The following DDAH1 variants were observed in gnomAD, a reference collection of about 807,000 sequenced individuals.
DDAH1 encodes dimethylarginine dimethylaminohydrolase 1, also known as N(G),N(G)-dimethylarginine dimethylaminohydrolase 1.
Under a neutral mutation model 28.8 loss-of-function variants are expected in DDAH1, and 19 were observed. That is an observed-to-expected ratio of 0.66 (90% CI 0.46 to 0.97). The LOEUF (loss-of-function observed/expected upper bound fraction) is 0.97, where lower values mean the gene tolerates loss of function less well. DDAH1 is among the 50% of genes least tolerant of loss of function. DDAH1 has a pLI of 0.00. For missense variants in DDAH1, 326 were observed against 375.9 expected (o/e 0.87, Z 1.10); for synonymous variants, 153 against 154.4 (o/e 0.99, Z 0.07).
chr1:85,350,011 C>G (rs1184040253), intron 4 of DDAH1, among the ~76,000 whole-genome samples: 1 of 152,118 alleles, frequency 6.6e-6, no homozygotes, highest in Non-Finnish European at 1.5e-5. Flanking sequence ...ATGAAATAGT[C>G]CAGACGCAAC....
At chr1:85,329,263 G>A (rs138464349) in intron 4 of DDAH1, among the ~76,000 whole-genome samples, 19 of 152,268 alleles carry the variant, frequency 1.2e-4, no homozygotes, top group African/African-American at 3.9e-4. Flanking sequence ...AAAGTACCAC[G>A]TGTCACTGAA....
intron 1 of DDAH1, among the ~76,000 whole-genome samples, chr1:85,420,948 T>G (rs1014976845): frequency 2.0e-5 from 3 of 152,212 alleles, no homozygotes; most frequent in African/African-American, 7.2e-5. Flanking sequence ...CAGTAGCATC[T>G]GCTTCTAGGG....
chr1:85,477,690 T>C (rs1488376209), intron 2 of DDAH1, among the ~76,000 whole-genome samples: 1 of 151,858 alleles, frequency 6.6e-6, no homozygotes, highest in Non-Finnish European at 1.5e-5. Flanking sequence ...ATATATATAG[T>C]ATATTATGAT....
At chr1:85,533,551 G>A (rs1658163822) in intron 1 of DDAH1, among the ~76,000 whole-genome samples, 1 of 152,242 alleles carries the variant, frequency 6.6e-6, no homozygotes, top group Non-Finnish European at 1.5e-5. Context: ...AGGTAAAAGA[G>A]ATGAAAACAG....
intron 1 of DDAH1, among the ~76,000 whole-genome samples, chr1:85,451,100 A>G (rs1004989931): frequency 3.1e-4 from 47 of 152,194 alleles, no homozygotes; most frequent in African/African-American, 1.0e-3. Context: ...GATCAAGTGC[A>G]TATCTCTAAT....
intron 1 of DDAH1, among the ~76,000 whole-genome samples, chr1:85,459,543 A>G (rs1011481553): frequency 6.6e-6 from 1 of 152,196 alleles, no homozygotes; most frequent in Non-Finnish European, 1.5e-5. Flanking sequence ...AGTTGTTCTA[A>G]CTAGTTGGCG....
At chr1:85,414,595 G>A (rs1328193635) in intron 1 of DDAH1, among the ~76,000 whole-genome samples, 1 of 152,112 alleles carries the variant, frequency 6.6e-6, no homozygotes, top group Non-Finnish European at 1.5e-5. Context: ...ATAGAAAAAT[G>A]GACAATTGAT....
chr1:85,554,276 G>GTTTTTTTTTTTTTTTTTTTTTT (rs368410411), intron 1 of DDAH1, among the ~76,000 whole-genome samples: 1 of 110,726 alleles, frequency 9.0e-6, no homozygotes, highest in African/African-American at 3.6e-5. Context: ...AATTGTAAGA[G>GTTTTTTTTTTTTTTTTTTTTTT]TTTTTTTTTT....
chr1:85,462,851 G>C (rs931781117), intron 1 of DDAH1, among the ~76,000 whole-genome samples: 1 of 152,226 alleles, frequency 6.6e-6, no homozygotes, highest in African/African-American at 2.4e-5. Flanking sequence ...ACATAGTAGA[G>C]AGATGTCACT....
intron 4 of DDAH1, among the ~76,000 whole-genome samples, chr1:85,335,510 TAGATATATTTATATC>T (rs1648048423): frequency 6.7e-6 from 1 of 148,968 alleles, no homozygotes; most frequent in Non-Finnish European, 1.5e-5. Context: ...CAAGCAGGAG[TAGATATATTTATATC>T]AGATAAAACA....
chr1:85,434,116 C>T (rs1446030400), intron 1 of DDAH1, among the ~76,000 whole-genome samples: 4 of 152,106 alleles, frequency 2.6e-5, no homozygotes, highest in Admixed American at 6.5e-5. Context: ...TCCCTCACCC[C>T]CTATCCTAAC....
chr1:85,458,448 T>TA (rs1557654548), intron 1 of DDAH1, among the ~76,000 whole-genome samples: 1 of 115,044 alleles, frequency 8.7e-6, no homozygotes. Context: ...TTTTTTTTTT[T>TA]AGACAGAGTC....
intron 1 of DDAH1, among the ~76,000 whole-genome samples, chr1:85,364,128 G>A (rs533706731): frequency 1.3e-5 from 2 of 152,154 alleles, no homozygotes; most frequent in South Asian, 4.2e-4. Flanking sequence ...GCTAAGGGAG[G>A]TTGACTGACT....
intron 1 of DDAH1, among the ~76,000 whole-genome samples, chr1:85,456,243 C>G (rs1420562130): frequency 7.2e-5 from 11 of 152,220 alleles, no homozygotes; most frequent in Admixed American, 7.2e-4. Flanking sequence ...GATGCATTCT[C>G]AGTTTACGCT....
At chr1:85,408,679 G>A (rs1479834462) in intron 1 of DDAH1, among the ~76,000 whole-genome samples, 6 of 152,132 alleles carry the variant, frequency 3.9e-5, no homozygotes. Flanking sequence ...AACCTAGATG[G>A]TCATATAGAA....
chr1:85,549,788 T>C (rs1658730825), intron 1 of DDAH1, among the ~76,000 whole-genome samples: 1 of 152,240 alleles, frequency 6.6e-6, no homozygotes. Context: ...TTATTTCTCA[T>C]TCAATCATAT....
chr1:85,502,054 C>A (rs1279791963), intron 1 of DDAH1, among the ~76,000 whole-genome samples: 2 of 152,194 alleles, frequency 1.3e-5, no homozygotes, highest in East Asian at 3.8e-4. Context: ...ATCCAGTCTG[C>A]TACGCTGGAA....
intron 1 of DDAH1, among the ~76,000 whole-genome samples, chr1:85,362,656 T>G (rs1241897490): frequency 6.6e-6 from 1 of 152,198 alleles, no homozygotes; most frequent in Non-Finnish European, 1.5e-5. Flanking sequence ...GAGTCTCAGT[T>G]TCTTGACCTG....
At chr1:85,426,591 T>C (rs914736950) in intron 1 of DDAH1, among the ~76,000 whole-genome samples, 9 of 152,104 alleles carry the variant, frequency 5.9e-5, no homozygotes, top group African/African-American at 1.7e-4. Context: ...TGCCTATCAA[T>C]AAATTACCTG....
Sources: gnomAD v4.1 joint callset for allele counts (sites outside exome capture counted in the v4.1 genomes callset) on GRCh38, gnomAD v4.1.1 for gene constraint, MANE v1.5 for transcripts, NCBI Gene and HGNC (gene_info 2026-07-23, HGNC 2026-07-21) for gene names.